RGS7BP: variants seen among roughly 807,000 people sequenced by gnomAD.
The protein encoded by RGS7BP is regulator of G protein signaling 7-binding protein.
Under a neutral mutation model 31.3 loss-of-function variants are expected in RGS7BP, and 9 were observed. That is an observed-to-expected ratio of 0.29 (90% CI 0.17 to 0.50). The LOEUF (loss-of-function observed/expected upper bound fraction) is 0.50, where lower values mean the gene tolerates loss of function less well. RGS7BP is among the 20% of genes least tolerant of loss of function. The probability of loss-of-function intolerance (pLI) is 0.98; values close to 1 mark genes in which losing one functional copy is unlikely to be tolerated. For missense variants in RGS7BP, 274 were observed against 322.0 expected, an observed-to-expected ratio of 0.85 and a Z score of 1.14; for synonymous variants, 115 against 120.1, an observed-to-expected ratio of 0.96 and a Z score of 0.28.
intron 2 of RGS7BP, among the ~76,000 whole-genome samples, chr5:64,544,339 T>G (rs1741595282): frequency 6.6e-6 from 1 of 152,154 alleles, no homozygotes; most frequent in African/African-American, 2.4e-5. Flanking sequence ...TTAGGGAGGA[T>G]TTCCCAAAGA....
chr5:64,588,298 C>T (rs62372269), intron 3 of RGS7BP, among the ~76,000 whole-genome samples: 589 of 152,232 alleles, frequency 3.9e-3, no homozygotes, highest in Non-Finnish European at 6.9e-3. Context: ...TTTGTTTTAC[C>T]CTATCTTCTC....
At chr5:64,517,106 G>A (rs1291732177) in intron 2 of RGS7BP, among the ~76,000 whole-genome samples, 2 of 151,160 alleles carry the variant, frequency 1.3e-5, no homozygotes, top group East Asian at 3.9e-4. Context: ...CCCATTCTTT[G>A]TTTATGGCTT....
At chr5:64,581,251 T>C (rs956602030) in intron 3 of RGS7BP, among the ~76,000 whole-genome samples, 1 of 152,148 alleles carries the variant, frequency 6.6e-6, no homozygotes, top group East Asian at 1.9e-4. Flanking sequence ...TTTAATCCAT[T>C]ATGCAAGCCA....
chr5:64,524,123 A>G (rs1749175782), intron 2 of RGS7BP, among the ~76,000 whole-genome samples: 1 of 152,178 alleles, frequency 6.6e-6, no homozygotes, highest in Admixed American at 6.5e-5. Context: ...AACACTGTAT[A>G]TGAAATATTG....
At chr5:64,544,294 C>T (rs1282521203) in intron 2 of RGS7BP, among the ~76,000 whole-genome samples, 2 of 152,144 alleles carry the variant, frequency 1.3e-5, no homozygotes, top group African/African-American at 4.8e-5. Flanking sequence ...GTACTGGGAT[C>T]TCACAGGGAT....
chr5:64,513,375 G>A (rs962694553), intron 2 of RGS7BP, among the ~76,000 whole-genome samples: 4 of 151,902 alleles, frequency 2.6e-5, no homozygotes, highest in Admixed American at 1.3e-4. Flanking sequence ...TTTTTCTGGG[G>A]GGGTTGGGGT....
chr5:64,550,133 T>C (rs1410669152), intron 2 of RGS7BP, among the ~76,000 whole-genome samples: 3 of 152,190 alleles, frequency 2.0e-5, no homozygotes, highest in Non-Finnish European at 4.4e-5. Context: ...CTCTACCCAT[T>C]ACCCAGTTCC....
intron 2 of RGS7BP, among the ~76,000 whole-genome samples, chr5:64,510,410 A>C (rs1748803573): frequency 6.6e-6 from 1 of 152,254 alleles, no homozygotes; most frequent in Admixed American, 6.5e-5. Flanking sequence ...AACCTTAAAA[A>C]GAGTATGCCA....
intron 5 of RGS7BP, among the ~76,000 whole-genome samples, chr5:64,602,211 C>T (rs1256407003): frequency 6.6e-6 from 1 of 152,194 alleles, no homozygotes; most frequent in Non-Finnish European, 1.5e-5. Context: ...GGCAGTTATG[C>T]CACCATCTAG....
chr5:64,521,001 G>A lies in RGS7BP; in HGVS notation c.332+13124G>A, dbSNP rs190000575. 3.9e-4 allele frequency among the ~76,000 whole-genome samples: 60 copies of A among 152,294 alleles called. 1 individual carries two copies. The highest frequency in any genetic ancestry group is 1.2e-3 in the African/African-American group (51 of 41,572). On this transcript the variant is annotated intron_variant, in intron 2 of 5. Transcript: ENST00000334025. ...ACTGAAATCCCTTGTCAATAAATCC[G>A]CAAGAGCTCCTGTTCTCCCACAAAT...
At chr5:64,589,995 A>G (rs962725508) in intron 3 of RGS7BP, among the ~76,000 whole-genome samples, 2 of 151,940 alleles carry the variant, frequency 1.3e-5, no homozygotes, top group African/African-American at 4.8e-5. Flanking sequence ...CAATTTAAAA[A>G]GAAATGATAA....
intron 2 of RGS7BP, among the ~76,000 whole-genome samples, chr5:64,560,839 C>T (rs932929109): frequency 2.6e-5 from 4 of 152,080 alleles, no homozygotes; most frequent in African/African-American, 9.7e-5. Flanking sequence ...TAAGAAGAGG[C>T]CATTGCATTG....
rs376842242 is a variant in RGS7BP at position 64,572,571 on chromosome 5, C to T, written c.333-3203C>T. On this transcript the variant is annotated intron_variant, in intron 2 of 5. Coordinates refer to ENST00000334025, the MANE Select transcript of RGS7BP (RefSeq NM_001029875.3). ...CCTTTCTTTCTCTATATTTCAATTTCCCAAGACATTAAAGGACAATATATG... is the reference window on the plus strand; with the variant it reads ...CCTTTCTTTCTCTATATTTCAATTTTCCAAGACATTAAAGGACAATATATG... Among the ~76,000 whole-genome samples, 62 of 152,164 alleles carry T rather than the reference C, an allele frequency of 4.1e-4. 1 individual carries two copies. Among genetic ancestry groups the T allele is most frequent in the African/African-American group, 1.3e-3 (53 of 41,522 alleles).
chr5:64,566,240 G>A (rs1053681267), intron 2 of RGS7BP, among the ~76,000 whole-genome samples: 1 of 151,764 alleles, frequency 6.6e-6, no homozygotes, highest in Non-Finnish European at 1.5e-5. Context: ...GCTGTTGACA[G>A]CTGATGTGAT....
intron 2 of RGS7BP, among the ~76,000 whole-genome samples, chr5:64,546,159 C>A (rs1260984031): frequency 6.6e-6 from 1 of 151,300 alleles, no homozygotes; most frequent in African/African-American, 2.4e-5. Context: ...GTCTCAAAAA[C>A]AAAACAAAAC....
intron 2 of RGS7BP, among the ~76,000 whole-genome samples, chr5:64,573,952 A>T (rs1361827962): frequency 1.3e-5 from 2 of 152,180 alleles, no homozygotes; most frequent in Non-Finnish European, 2.9e-5. Flanking sequence ...ATAAAATTTT[A>T]AAAAATATCT....
intron 5 of RGS7BP, among the ~76,000 whole-genome samples, chr5:64,599,435 G>T (rs900080663): frequency 7.2e-5 from 11 of 152,198 alleles, no homozygotes; most frequent in African/African-American, 2.7e-4. Context: ...GGAGCTGGAG[G>T]CTCCTCTTGG....
At chr5:64,507,971 C>A in intron 2 of RGS7BP, 94 bp downstream of exon 2, 1 of 1,054,358 alleles carries the variant, frequency 9.5e-7, no homozygotes, top group Non-Finnish European at 1.4e-6. Flanking sequence ...ATGATCTCCA[C>A]ATATTTGAGA....
intron 3 of RGS7BP, among the ~76,000 whole-genome samples, chr5:64,588,056 T>TA (rs1452585423): frequency 6.6e-6 from 1 of 152,110 alleles, no homozygotes; most frequent in African/African-American, 2.4e-5. Flanking sequence ...GAACAAATGT[T>TA]AAAAGTGATA....
Sources: gnomAD v4.1 joint callset for allele counts (sites outside exome capture counted in the v4.1 genomes callset) on GRCh38, gnomAD v4.1.1 for gene constraint, MANE v1.5 for transcripts, NCBI Gene and HGNC (gene_info 2026-07-23, HGNC 2026-07-21) for gene names.